Variants in VPS13B observed in about 807,000 individuals in gnomAD.
The protein encoded by VPS13B is vacuolar protein sorting 13 homolog B.
VPS13B carries 285 observed loss-of-function variants against 426.4 expected under a neutral mutation model. The ratio of observed to expected loss-of-function variants is 0.67; its 90% confidence interval spans 0.61 to 0.74. The LOEUF (loss-of-function observed/expected upper bound fraction) is 0.74. VPS13B is among the 30% of genes least tolerant of loss of function. VPS13B has a pLI of 0.00. For synonymous variants in VPS13B, 1,676 were observed against 1,676.4 expected, an observed-to-expected ratio of 1.00 and a Z score of 0.01; for missense variants, 4,537 against 4,782.6, an observed-to-expected ratio of 0.95 and a Z score of 1.51.
At chr8:99,322,617 T>G (rs1020912674) in intron 19 of VPS13B, among the ~76,000 whole-genome samples, 1 of 152,240 alleles carries the variant, frequency 6.6e-6, no homozygotes, top group Non-Finnish European at 1.5e-5. Flanking sequence ...TTAACATGAA[T>G]GCAATCCACA....
intron 39 of VPS13B, among the ~76,000 whole-genome samples, chr8:99,757,156 A>G (rs1233312098): frequency 2.0e-5 from 3 of 152,190 alleles, no homozygotes; most frequent in Admixed American, 6.5e-5. Flanking sequence ...TAATTACCCA[A>G]TTTGGCACCC....
At chr8:99,313,675 A>G (rs943485829) in intron 19 of VPS13B, among the ~76,000 whole-genome samples, 4 of 152,112 alleles carry the variant, frequency 2.6e-5, no homozygotes, top group Non-Finnish European at 5.9e-5. Flanking sequence ...TGCTGGGAGA[A>G]CCACTACTCA....
chr8:99,747,977 GTGT>G (rs770128625), intron 39 of VPS13B, among the ~76,000 whole-genome samples: 3 of 151,986 alleles, frequency 2.0e-5, no homozygotes, highest in Non-Finnish European at 4.4e-5. Flanking sequence ...TGTTGGATCT[GTGT>G]TGTTGTCGTT....
intron 30 of VPS13B, among the ~76,000 whole-genome samples, chr8:99,534,143 C>T (rs1444718991): frequency 6.6e-6 from 1 of 152,022 alleles, no homozygotes; most frequent in Admixed American, 6.6e-5. Flanking sequence ...AAAATATTAT[C>T]GGCAGAGTTT....
intron 15 of VPS13B, among the ~76,000 whole-genome samples, chr8:99,164,111 G>A (rs566422106): frequency 6.6e-6 from 1 of 152,332 alleles, no homozygotes; most frequent in Non-Finnish European, 1.5e-5. Flanking sequence ...GGAAGTGCCA[G>A]TGGGTCGGTC....
intron 50 of VPS13B, among the ~76,000 whole-genome samples, chr8:99,822,498 G>C (rs1036911306): frequency 6.6e-6 from 1 of 152,148 alleles, no homozygotes; most frequent in East Asian, 1.9e-4. Context: ...TTGAATAGTT[G>C]TAAGTTGAGA....
At chr8:99,663,622 A>G (rs1830330639) in intron 35 of VPS13B, among the ~76,000 whole-genome samples, 1 of 152,232 alleles carries the variant, frequency 6.6e-6, no homozygotes, top group African/African-American at 2.4e-5. Context: ...TTTTTATTAC[A>G]TCAGTTTGAA....
At chr8:99,145,102 A>G (rs879867244) in intron 13 of VPS13B, among the ~76,000 whole-genome samples, 4 of 152,222 alleles carry the variant, frequency 2.6e-5, no homozygotes, top group Non-Finnish European at 4.4e-5. Context: ...CTGAAGCACA[A>G]TAAATGTTTG....
intron 3 of VPS13B, among the ~76,000 whole-genome samples, chr8:99,084,333 T>C (rs1312093561): frequency 1.3e-5 from 2 of 152,190 alleles, no homozygotes; most frequent in Non-Finnish European, 2.9e-5. Flanking sequence ...GTCTATTTGA[T>C]TCTTCTCTCT....
At position 99,207,892 on chromosome 8, in the gene VPS13B, C is replaced by T. The variant is rs74789247; in HGVS notation, c.2515+14835C>T. Among the ~76,000 whole-genome samples the T allele has an allele frequency of 3.2e-3, 485 of 152,134 alleles. 5 individuals carry two copies. The highest frequency in any genetic ancestry group is 0.011 in the African/African-American group (458 of 41,506). On this transcript the variant is annotated intron_variant, in intron 17 of 61. Coordinates refer to ENST00000357162, the MANE Select transcript of VPS13B (RefSeq NM_152564.5). The stretch of plus-strand genomic sequence containing the variant: ...TCTGTTCAGTTCTGGGAGCAGATAG[C>T]TAACAAGAAATAGACATGATTTTAG...
At chr8:99,133,873 T>G (rs994801479) in intron 8 of VPS13B, among the ~76,000 whole-genome samples, 2 of 152,120 alleles carry the variant, frequency 1.3e-5, no homozygotes, top group East Asian at 3.9e-4. Context: ...TAATGAAAAA[T>G]TTTGAACTAT....
chr8:99,822,144 G>T (rs1814406600), intron 50 of VPS13B, among the ~76,000 whole-genome samples: 1 of 152,134 alleles, frequency 6.6e-6, no homozygotes, highest in South Asian at 2.1e-4. Context: ...CCATGCAGAA[G>T]TTTTTTGCTG....
At chr8:99,132,380 T>C (rs1297560865) in intron 8 of VPS13B, among the ~76,000 whole-genome samples, 2 of 152,196 alleles carry the variant, frequency 1.3e-5, no homozygotes, top group Non-Finnish European at 2.9e-5. Flanking sequence ...AAGCCAGTCC[T>C]CTTCAGGTTC....
At chr8:99,378,771 T>A (rs984873026) in intron 19 of VPS13B, among the ~76,000 whole-genome samples, 15 of 152,228 alleles carry the variant, frequency 9.9e-5, no homozygotes, top group African/African-American at 3.6e-4. Flanking sequence ...TTTTTGACTC[T>A]TATTAACAGT....
intron 17 of VPS13B, among the ~76,000 whole-genome samples, chr8:99,257,108 T>C (rs1377652357): frequency 6.6e-6 from 1 of 152,146 alleles, no homozygotes; most frequent in Non-Finnish European, 1.5e-5. Context: ...TGATCATGCT[T>C]AGGTGCAGAC....
At position 99,556,632 on chromosome 8, in the gene VPS13B, T is replaced by C; in HGVS notation, c.4928T>C (p.Leu1643Pro). 2 of 1,613,038 alleles carry C rather than the reference T, an allele frequency of 1.2e-6. No homozygotes were observed. The highest frequency in any genetic ancestry group is 1.7e-6 in the Non-Finnish European group (2 of 1,179,404). The change falls in exon 31 of 62, where the codon CTT (leucine) becomes CCT (proline). Residue 1643 changes from leucine (L) to proline (P), a missense_variant. By Grantham distance (98) the Leu-to-Pro change is moderately conservative. Around this residue, in one of 2 missense-constraint regions of VPS13B, gnomAD observed 4,311 missense variants for 4,474.3 expected, o/e 0.96. Transcript: ENST00000357162. ...ETERNSQNPA[L>P]EWNMASSIRR... The stretch of plus-strand genomic sequence containing the variant: ...GAAAGGAATTCTCAAAATCCAGCCC[T>C]TGAGTGGAATATGGCCAGCAGGTAG...
chr8:99,780,200 T>C (rs1811946582), intron 42 of VPS13B, among the ~76,000 whole-genome samples: 1 of 152,058 alleles, frequency 6.6e-6, no homozygotes, highest in Non-Finnish European at 1.5e-5. Context: ...CTGGTTCAAA[T>C]AGCCATGTGA....
At chr8:99,209,900 G>A (rs1220191468) in intron 17 of VPS13B, 4 of 272,148 alleles carry the variant, frequency 1.5e-5, no homozygotes, top group Admixed American at 1.3e-4. Context: ...TATTTGGTTC[G>A]TACTCAAAAT....
chr8:99,552,240 T>C (rs951446753), intron 30 of VPS13B, among the ~76,000 whole-genome samples: 1 of 152,058 alleles, frequency 6.6e-6, no homozygotes, highest in African/African-American at 2.4e-5. Flanking sequence ...TTTTTTACTT[T>C]TTAAATAATT....
Sources: allele counts gnomAD v4.1 joint callset (sites outside exome capture counted in the v4.1 genomes callset), GRCh38; gene constraint gnomAD v4.1.1; regional missense constraint gnomAD v4.1.1; transcripts MANE v1.5; gene names NCBI Gene and HGNC (gene_info 2026-07-23, HGNC 2026-07-21).